The following TSPAN11 variants were observed in gnomAD, a reference collection of about 807,000 sequenced individuals.
TSPAN11 encodes tetraspanin-11.
Under a neutral mutation model 32.9 loss-of-function variants are expected in TSPAN11, and 29 were observed. The observed-to-expected ratio is 0.88, with a 90% CI of 0.66 to 1.20. The LOEUF is 1.20. Among genes scored for constraint, TSPAN11 ranks in the 50% most tolerant of loss-of-function variants. TSPAN11 has a pLI of 0.00. For missense variants in TSPAN11, 283 were observed against 329.1 expected, an observed-to-expected ratio of 0.86 and a Z score of 1.08; for synonymous variants, 140 against 141.3, an observed-to-expected ratio of 0.99 and a Z score of 0.07.
intron 7 of TSPAN11, among the ~76,000 whole-genome samples, chr12:30,984,066 G>A (rs1939151011): frequency 6.6e-6 from 1 of 152,166 alleles, no homozygotes; most frequent in Non-Finnish European, 1.5e-5. Context: ...CGAAGGAGGG[G>A]AGCCAGGAAG....
chr12:30,928,108 C>T (rs1937840244), intron 1 of TSPAN11, among the ~76,000 whole-genome samples: 1 of 152,088 alleles, frequency 6.6e-6, no homozygotes. Flanking sequence ...TTTATACCCA[C>T]CTTTGGACTC....
intron 3 of TSPAN11, among the ~76,000 whole-genome samples, chr12:30,973,597 C>T (rs1361422801): frequency 6.6e-6 from 1 of 152,194 alleles, no homozygotes; most frequent in Non-Finnish European, 1.5e-5. Context: ...AATTGGGGTA[C>T]TGCCTCCTAA....
intron 3 of TSPAN11, among the ~76,000 whole-genome samples, chr12:30,968,551 T>G (rs1037997195): frequency 6.6e-6 from 1 of 152,202 alleles, no homozygotes; most frequent in Non-Finnish European, 1.5e-5. Flanking sequence ...ATGAGAGAGA[T>G]AATTCAGGCC....
chr12:30,960,828 C>G (rs1054918240), intron 2 of TSPAN11, among the ~76,000 whole-genome samples: 21 of 151,774 alleles, frequency 1.4e-4, no homozygotes, highest in Non-Finnish European at 4.4e-5. Flanking sequence ...CACCTGAGGT[C>G]AAGAGTTCAA....
At chr12:30,957,712 C>T (rs56051309) in intron 2 of TSPAN11, among the ~76,000 whole-genome samples, 3,069 of 54,510 alleles carry the variant, frequency 0.056, 375 homozygotes, top group African/African-American at 0.25. Flanking sequence ...TCCCTCCTTC[C>T]TTCCTTCCTT....
chr12:30,968,704 G>C (rs998684637), intron 3 of TSPAN11, among the ~76,000 whole-genome samples: 1 of 152,070 alleles, frequency 6.6e-6, no homozygotes, highest in African/African-American at 2.4e-5. Flanking sequence ...GACTAAACTG[G>C]GTCTTTATTG....
chr12:30,983,287 C>G lies in TSPAN11; in HGVS notation c.702+137C>G, dbSNP rs937012119. 2.0e-5 allele frequency: 16 copies of G among 792,674 alleles called. No individual in the cohort carries two copies. The African/African-American group carries it at 2.6e-4, about 13-fold the overall frequency. 49.1% of individuals were successfully genotyped at this position (792,674 alleles called of 1,614,324 possible). A position where few individuals can be genotyped will look rare whatever the true frequency, so the allele number is the denominator to read the frequency against. ...GCACCCTACCCTGCTCTCTTCTTCT[C>G]TCCCCTTCCCTCTGCAACCAAGGCT... On this transcript the variant is annotated intron_variant, in intron 7 of 7. Coordinates refer to ENST00000546076, the MANE Select transcript of TSPAN11 (RefSeq NM_001370302.1).
intron 3 of TSPAN11, among the ~76,000 whole-genome samples, chr12:30,973,097 C>G (rs1336032971): frequency 6.6e-6 from 1 of 152,212 alleles, no homozygotes. Flanking sequence ...TCCATCCCTC[C>G]CCCATTTAGT....
At chr12:30,955,175 T>C (rs568918849) in intron 2 of TSPAN11, 2 of 152,358 alleles carry the variant, frequency 1.3e-5, no homozygotes, top group African/African-American at 4.8e-5. Context: ...AGATGCTATC[T>C]GTTAAAAAGT....
intron 1 of TSPAN11, among the ~76,000 whole-genome samples, chr12:30,942,745 C>T (rs1938191965): frequency 6.9e-6 from 1 of 145,282 alleles, no homozygotes; most frequent in South Asian, 2.2e-4. Context: ...AAAAAAAAGT[C>T]ATGTACAAAA....
At chr12:30,972,029 C>T (rs1938862380) in intron 3 of TSPAN11, among the ~76,000 whole-genome samples, 1 of 152,216 alleles carries the variant, frequency 6.6e-6, no homozygotes, top group Non-Finnish European at 1.5e-5. Context: ...CTATGCTTAA[C>T]ACACTGCTCC....
intron 1 of TSPAN11, among the ~76,000 whole-genome samples, chr12:30,938,838 G>A (rs542231900): frequency 3.1e-4 from 47 of 152,254 alleles, no homozygotes; most frequent in African/African-American, 1.1e-3. Flanking sequence ...CCTCCTCAAA[G>A]CCTACTAAAA....
At chr12:30,954,731 GTGC>G (rs1361994142) in intron 2 of TSPAN11, 1 of 152,422 alleles carries the variant, frequency 6.6e-6, no homozygotes, top group Non-Finnish European at 1.5e-5. Context: ...AGTGACAAGA[GTGC>G]AGGCTTTGCA....
chr12:30,928,120 T>A (rs1937840753), intron 1 of TSPAN11, among the ~76,000 whole-genome samples: 1 of 152,110 alleles, frequency 6.6e-6, no homozygotes, highest in Non-Finnish European at 1.5e-5. Flanking sequence ...TTTGGACTCG[T>A]GTGTAAAATA....
chr12:31,013,109 C>T, the TSPAN11 span, among the ~76,000 whole-genome samples: 10 of 152,258 alleles, frequency 6.6e-5, no homozygotes, highest in African/African-American at 9.6e-5. Context: ...TCTGTGCAGA[C>T]CATGATCACA....
chr12:30,939,023 A>G (rs950267119), intron 1 of TSPAN11, among the ~76,000 whole-genome samples: 4 of 152,062 alleles, frequency 2.6e-5, no homozygotes, highest in Admixed American at 2.0e-4. Context: ...ACTTGACACC[A>G]GGAGTTCGAG....
intron 7 of TSPAN11, among the ~76,000 whole-genome samples, chr12:30,984,552 C>CTTTTTTTTTTGTTTTTTT (rs1939162296): frequency 1.5e-5 from 1 of 68,574 alleles, no homozygotes. Context: ...TCGCTTTTTG[C>CTTTTTTTTTTGTTTTTTT]TTTTTTTTTT....
At chr12:30,977,004 C>A (rs1452923138) in intron 3 of TSPAN11, among the ~76,000 whole-genome samples, 2 of 152,222 alleles carry the variant, frequency 1.3e-5, no homozygotes, top group Non-Finnish European at 2.9e-5. Flanking sequence ...CTAGGCCTGA[C>A]ACTGTTATTC....
the TSPAN11 span, among the ~76,000 whole-genome samples, chr12:31,004,299 C>T: frequency 2.0e-5 from 3 of 152,184 alleles, no homozygotes; most frequent in Non-Finnish European, 4.4e-5. Flanking sequence ...GTGTGCATGC[C>T]ATGACTCCAG....
Sources: allele counts gnomAD v4.1 joint callset (sites outside exome capture counted in the v4.1 genomes callset), GRCh38; gene constraint gnomAD v4.1.1; transcripts MANE v1.5; gene names NCBI Gene and HGNC (gene_info 2026-07-23, HGNC 2026-07-21).